STK24: variants seen among roughly 807,000 people sequenced by gnomAD.
STK24 encodes serine/threonine kinase 24.
In STK24, 21 loss-of-function variants were observed where a neutral mutation model predicts 55.6. The ratio of observed to expected loss-of-function variants is 0.38; its 90% CI spans 0.27 to 0.54. The LOEUF (loss-of-function observed/expected upper bound fraction) is 0.54, where lower values mean the gene tolerates loss of function less well. STK24 is among the 20% of genes least tolerant of loss of function. The probability of loss-of-function intolerance (pLI) is 0.79; values close to 1 mark genes in which losing one functional copy is unlikely to be tolerated. For missense variants in STK24, 383 were observed against 538.4 expected (o/e 0.71, Z 2.86); for synonymous variants, 200 against 215.2 (o/e 0.93, Z 0.62).
intron 1 of STK24, among the ~76,000 whole-genome samples, chr13:98,561,136 G>T (rs1241870047): frequency 6.6e-6 from 1 of 152,200 alleles, no homozygotes; most frequent in African/African-American, 2.4e-5. Context: ...CAGCAGGAGT[G>T]TAAGTGTAAC....
chr13:98,568,830 T>C (rs139623136), intron 1 of STK24, among the ~76,000 whole-genome samples: 2 of 152,104 alleles, frequency 1.3e-5, no homozygotes, highest in East Asian at 3.9e-4. Flanking sequence ...GATCACGCCA[T>C]TGCACTCCAG....
intron 1 of STK24, chr13:98,576,070 G>C (rs1897881761): frequency 2.0e-6 from 2 of 984,216 alleles, no homozygotes; most frequent in South Asian, 9.4e-5. Context: ...GGGTCCCGGG[G>C]CCGGGCCCGG....
chr13:98,448,656 A>G lies in STK24; in HGVS notation c.*4517T>C, dbSNP rs1893018179. ...CATCCGTTCAACACAAGACAGGGCA[A>G]GTGTTTTTCTTCCTAAAAAAAGTTC... On this transcript the variant is annotated 3_prime_UTR_variant, in exon 11 of 11. Transcript: ENST00000539966. 1 of 210,410 alleles carries G rather than the reference A, an allele frequency of 4.8e-6. No individual in the cohort carries two copies. The allele number at this position is 210,410 out of a possible 1,614,324, so 13.0% of individuals were successfully genotyped here.
intron 1 of STK24, chr13:98,576,239 C>A (rs1005224099): frequency 1.0e-6 from 1 of 985,160 alleles, no homozygotes; most frequent in Non-Finnish European, 1.2e-6. Context: ...TCCGCTCGGG[C>A]CCGGACGAGT....
chr13:98,459,011 G>A (rs967289623), intron 9 of STK24, among the ~76,000 whole-genome samples: 4 of 152,202 alleles, frequency 2.6e-5, no homozygotes, highest in Admixed American at 6.5e-5. Flanking sequence ...ATATGACGGC[G>A]TTTAGGATAT....
At position 98,447,995 on chromosome 13, in the gene STK24, C is replaced by T. The variant is rs745441994; in HGVS notation, c.*5178G>A. 190 of 557,696 alleles carry T rather than the reference C, an allele frequency of 3.4e-4. 1 individual carries two copies. Among genetic ancestry groups the T allele is most frequent in the Admixed American group, 8.1e-4 (25 of 31,016 alleles). The allele number at this position is 557,696 out of a possible 1,614,324, so 34.5% of individuals were successfully genotyped here. A position where few individuals can be genotyped will look rare whatever the true frequency, so the allele number is the denominator to read the frequency against. Reference sequence around the variant, plus strand: ...CTCGCTCCTAACTGCTCCAATGGAGCGGGCAGTGTCACTGCAGCAAGGTAC... The same window carrying T: ...CTCGCTCCTAACTGCTCCAATGGAGTGGGCAGTGTCACTGCAGCAAGGTAC... On this transcript the variant is annotated 3_prime_UTR_variant, in exon 11 of 11. Coordinates refer to ENST00000539966, the MANE Select transcript of STK24 (RefSeq NM_001032296.4).
chr13:98,552,341 A>G (rs773443910), intron 1 of STK24, among the ~76,000 whole-genome samples: 44 of 152,134 alleles, frequency 2.9e-4, no homozygotes, highest in Non-Finnish European at 5.6e-4. Context: ...ATTGATCAGA[A>G]ACATGGGAGA....
At chr13:98,576,063 TCCCGGGGCCGGGCCCGGGACCCTGG>T in intron 1 of STK24, 7 of 984,412 alleles carry the variant, frequency 7.1e-6, no homozygotes, top group Non-Finnish European at 8.4e-6. Context: ...AAGTCCAGGG[TCCCGGGGCCGGGCCCGGGACCCTGG>T]TGCGCGGCTG....
At chr13:98,480,401 T>A (rs529994639) in intron 3 of STK24, among the ~76,000 whole-genome samples, 1 of 152,344 alleles carries the variant, frequency 6.6e-6, no homozygotes, top group Admixed American at 6.5e-5. Context: ...TAAATCTAAT[T>A]ACATAAAATG....
chr13:98,481,533 T>TA (rs1328731143), intron 3 of STK24, among the ~76,000 whole-genome samples: 1 of 152,224 alleles, frequency 6.6e-6, no homozygotes, highest in Non-Finnish European at 1.5e-5. Context: ...CCCTGCCCCT[T>TA]ACTTCCAAAA....
chr13:98,521,573 A>C (rs1290168409), intron 1 of STK24, among the ~76,000 whole-genome samples: 3 of 152,148 alleles, frequency 2.0e-5, no homozygotes, highest in Admixed American at 2.0e-4. Context: ...GGAATGCCAC[A>C]GAATGCCCGG....
chr13:98,517,345 G>A (rs1373458087), intron 2 of STK24, among the ~76,000 whole-genome samples: 1 of 152,206 alleles, frequency 6.6e-6, no homozygotes, highest in Non-Finnish European at 1.5e-5. Flanking sequence ...TAACATCGAG[G>A]CCAGGCACAG....
intron 5 of STK24, 109 bp from the exon 6 acceptor site, chr13:98,466,670 A>C: frequency 8.0e-7 from 1 of 1,251,762 alleles, no homozygotes; most frequent in South Asian, 1.6e-5. Flanking sequence ...GTTTTGAAAA[A>C]GGTATTTTTA....
chr13:98,517,698 C>T (rs1008331298), intron 2 of STK24, among the ~76,000 whole-genome samples: 3 of 152,164 alleles, frequency 2.0e-5, no homozygotes, highest in African/African-American at 4.8e-5. Flanking sequence ...GTAGTGCTTT[C>T]GTTTTTGCTG....
At chr13:98,542,100 C>G (rs1158909898) in intron 1 of STK24, among the ~76,000 whole-genome samples, 1 of 152,196 alleles carries the variant, frequency 6.6e-6, no homozygotes, top group Non-Finnish European at 1.5e-5. Flanking sequence ...CATTTCTTAT[C>G]CCGACCTGAA....
chr13:98,518,742 AT>A (rs1406819847), intron 2 of STK24, among the ~76,000 whole-genome samples: 3 of 152,220 alleles, frequency 2.0e-5, no homozygotes, highest in Non-Finnish European at 2.9e-5. Context: ...CTACCGTTTT[AT>A]TTAAGTAATT....
intron 2 of STK24, among the ~76,000 whole-genome samples, chr13:98,502,782 G>A (rs1022353443): frequency 3.9e-5 from 6 of 152,066 alleles, no homozygotes; most frequent in Admixed American, 1.3e-4. Flanking sequence ...AAATCACCCA[G>A]TCTATGGTAA....
chr13:98,457,835 A>G (rs965360966), intron 9 of STK24, among the ~76,000 whole-genome samples: 15 of 152,216 alleles, frequency 9.9e-5, no homozygotes, highest in Non-Finnish European at 1.8e-4. Context: ...CAGGGCAATC[A>G]TCAGACCATA....
intron 2 of STK24, among the ~76,000 whole-genome samples, chr13:98,487,225 A>C (rs1894841443): frequency 6.6e-6 from 1 of 152,236 alleles, no homozygotes; most frequent in African/African-American, 2.4e-5. Flanking sequence ...CACTGTCCTC[A>C]TAAAACCTTC....
Sources: gnomAD v4.1 joint callset for allele counts (sites outside exome capture counted in the v4.1 genomes callset) on GRCh38, gnomAD v4.1.1 for gene constraint, MANE v1.5 for transcripts, NCBI Gene and HGNC (gene_info 2026-07-23, HGNC 2026-07-21) for gene names.